Variants in TAF2 observed in about 807,000 individuals in gnomAD.
The protein encoded by TAF2 is TATA-box binding protein associated factor 2, also known as transcription initiation factor TFIID subunit 2.
TAF2 carries 61 observed loss-of-function variants against 138.5 expected under a neutral mutation model. The observed-to-expected ratio is 0.44, with a 90% CI of 0.36 to 0.54. The LOEUF is 0.54. TAF2 is among the 20% of genes least tolerant of loss of function. The probability of loss-of-function intolerance (pLI) is 0.00; values close to 1 mark genes in which losing one functional copy is unlikely to be tolerated. For missense variants in TAF2, 1,090 were observed against 1,427.9 expected (o/e 0.76, Z 3.81); for synonymous variants, 475 against 469.9 (o/e 1.01, Z -0.14).
intron 18 of TAF2, among the ~76,000 whole-genome samples, chr8:119,771,050 G>A (rs1002317819): frequency 1.3e-5 from 2 of 151,982 alleles, no homozygotes; most frequent in Non-Finnish European, 2.9e-5. Flanking sequence ...CAGCCTGGGC[G>A]ACAGAGCGAG....
intron 2 of TAF2, among the ~76,000 whole-genome samples, chr8:119,824,764 C>T (rs1254926395): frequency 6.6e-6 from 1 of 152,224 alleles, no homozygotes; most frequent in African/African-American, 2.4e-5. Context: ...AGCCTCAAGC[C>T]TTGGCAGCTC....
chr8:119,755,489 T>A (rs938612798), intron 22 of TAF2, among the ~76,000 whole-genome samples: 3 of 151,784 alleles, frequency 2.0e-5, no homozygotes, highest in Non-Finnish European at 4.4e-5. Context: ...AGAAACTCTA[T>A]CTCAAAAAAA....
chr8:119,801,194 T>C (rs779560984), intron 6 of TAF2, among the ~76,000 whole-genome samples: 2 of 152,212 alleles, frequency 1.3e-5, no homozygotes, highest in Non-Finnish European at 2.9e-5. Flanking sequence ...ATGTCATTAG[T>C]AATGAACAAA....
chr8:119,793,903 GA>G (rs142258214), intron 9 of TAF2, among the ~76,000 whole-genome samples: 122 of 93,734 alleles, frequency 1.3e-3, no homozygotes, highest in African/African-American at 4.2e-3. Flanking sequence ...TTTTTAAACA[GA>G]AAAAAAAAGG....
chr8:119,805,400 T>C (rs961412144), intron 4 of TAF2, among the ~76,000 whole-genome samples: 3 of 152,158 alleles, frequency 2.0e-5, no homozygotes, highest in Admixed American at 2.0e-4. Flanking sequence ...TCTACCTATA[T>C]GATTTTTTAA....
chr8:119,802,590 T>C (rs1227059032), intron 5 of TAF2, among the ~76,000 whole-genome samples: 1 of 152,188 alleles, frequency 6.6e-6, no homozygotes, highest in East Asian at 1.9e-4. Flanking sequence ...TGTAAGACAT[T>C]ATCCCTGGTT....
At chr8:119,779,073 C>G (rs2131125546) in intron 17 of TAF2, among the ~76,000 whole-genome samples, 1 of 152,210 alleles carries the variant, frequency 6.6e-6, no homozygotes, top group East Asian at 1.9e-4. Context: ...CGTAGAAATA[C>G]CTGTCTTATG....
At chr8:119,812,244 C>T (rs1448280192) in intron 3 of TAF2, among the ~76,000 whole-genome samples, 1 of 151,972 alleles carries the variant, frequency 6.6e-6, no homozygotes, top group Non-Finnish European at 1.5e-5. Context: ...GTTAGGTTAA[C>T]TAACTACCTG....
At position 119,796,990 on chromosome 8, in the gene TAF2, C is replaced by A; in HGVS notation, c.1091G>T (p.Trp364Leu). The change falls in exon 8 of 26, where the codon TGG becomes TTG. Residue 364 changes from tryptophan (W) to leucine (L), a missense_variant and splice_region_variant. Physicochemically the swap from Trp to Leu is moderately conservative, Grantham distance 61 (BLOSUM62 -2). Around this residue, in one of 3 missense-constraint regions of TAF2, gnomAD observed 504 missense variants for 680.9 expected, o/e 0.74. Transcript: ENST00000378164. ...TAGTATGAACTTTCAGGTCACTCAC[C>A]AAGACATTCTAGATATGAAACAACC... ...FFGCFISRMS[W>L]SDEWVLKGIS... 1 of 1,606,728 alleles carries A rather than the reference C, an allele frequency of 6.2e-7. No individual in the cohort carries two copies.
chr8:119,827,323 A>C (rs148353384), intron 2 of TAF2, among the ~76,000 whole-genome samples: 2 of 152,298 alleles, frequency 1.3e-5, no homozygotes, highest in East Asian at 3.9e-4. Flanking sequence ...ACCCTTAATG[A>C]ACAACTGTAT....
At chr8:119,775,836 A>G (rs943311874) in intron 18 of TAF2, among the ~76,000 whole-genome samples, 1 of 152,244 alleles carries the variant, frequency 6.6e-6, no homozygotes, top group African/African-American at 2.4e-5. Flanking sequence ...TCCATCAGAT[A>G]AAATTTCCCT....
At chr8:119,790,161 T>G (rs1319627934) in intron 11 of TAF2, among the ~76,000 whole-genome samples, 1 of 152,014 alleles carries the variant, frequency 6.6e-6, no homozygotes, top group Non-Finnish European at 1.5e-5. Context: ...AAAGGCCAGG[T>G]GTGGTGGCTC....
At chr8:119,739,167 T>G (rs571137998) in intron 25 of TAF2, among the ~76,000 whole-genome samples, 1 of 152,258 alleles carries the variant, frequency 6.6e-6, no homozygotes, top group East Asian at 1.9e-4. Context: ...CCCTTGCTCC[T>G]TGTTCCCCTT....
At chr8:119,772,141 T>C (rs1479002572) in intron 18 of TAF2, among the ~76,000 whole-genome samples, 1 of 152,086 alleles carries the variant, frequency 6.6e-6, no homozygotes, top group Non-Finnish European at 1.5e-5. Context: ...AAAATAGAGA[T>C]ACAACATACC....
At position 119,789,658 on chromosome 8, in the gene TAF2, G is replaced by T; in HGVS notation, c.1502C>A (p.Ser501Tyr). 6.2e-7 allele frequency: 1 copy of T among 1,613,816 alleles called. No homozygotes were observed. Among genetic ancestry groups the T allele is most frequent in the Non-Finnish European group, 8.5e-7 (1 of 1,179,926 alleles). ...HMWSQMLVST[S>Y]GFLKSISNVS... ...ATTTGAAATGGATTTCAAAAACCCA[G>T]ATGTGGAAACCAACATCTGACTCCA... The change falls in exon 12 of 26, where the codon TCT becomes TAT. Residue 501 changes from serine (S) to tyrosine (Y), a missense_variant. Around this residue, in one of 3 missense-constraint regions of TAF2, gnomAD observed 504 missense variants for 680.9 expected, o/e 0.74. Coordinates refer to ENST00000378164, the MANE Select transcript of TAF2 (RefSeq NM_003184.4).
chr8:119,760,432 C>G, intron 20 of TAF2, 167 bp downstream of exon 20: 1 of 773,434 alleles, frequency 1.3e-6, no homozygotes, highest in Non-Finnish European at 2.0e-6. Flanking sequence ...TTTATTAACT[C>G]TTATGTGAAT....
At position 119,793,276 on chromosome 8, in the gene TAF2, A is replaced by C. The variant is rs925376668; in HGVS notation, c.1277+90T>G. 6.4e-6 allele frequency: 7 copies of C among 1,087,876 alleles called. No individual in the cohort carries two copies. In the South Asian group the frequency reaches 9.6e-5, roughly 15 times the overall value. 67.4% of individuals were successfully genotyped at this position (1,087,876 alleles called of 1,614,324 possible). On this transcript the variant is annotated intron_variant, in intron 10 of 25. Transcript: ENST00000378164. The stretch of plus-strand genomic sequence containing the variant: ...TAAGAAAAAGGTTAAATAAATTCTG[A>C]GGTACAATGAAATACTATTTAGCTC...
intron 18 of TAF2, among the ~76,000 whole-genome samples, chr8:119,774,802 G>C (rs10110853): frequency 0.14 from 21,091 of 151,934 alleles, 2,479 homozygotes; most frequent in African/African-American, 0.32. Context: ...TGTTCCATGA[G>C]ATTTGAACCT....
rs1818903071 is a variant in TAF2 at position 119,731,964 on chromosome 8, G to A, written c.3560C>T (p.Ala1187Val). The stretch of plus-strand genomic sequence containing the variant: ...AGGAGAACGAATAGACCTGCCACTG[G>A]CAGGGCTGGAGAAAGTGAAAGGCTC... ...DKEPFTFSSP[A>V]SGRSIRSPSL... Residue 1187 changes from alanine to valine, a missense_variant, in exon 26 of 26, where the codon GCC (alanine) becomes GTC (valine). Physicochemically the swap from Ala to Val is moderately conservative, Grantham distance 64. This residue lies in a region of TAF2 where 580 missense variants were observed against 719.6 expected (regional missense o/e 0.81). Coordinates refer to ENST00000378164, the MANE Select transcript of TAF2 (RefSeq NM_003184.4). 7 of 1,614,194 alleles carry A rather than the reference G, an allele frequency of 4.3e-6. No homozygotes were observed. Among genetic ancestry groups the A allele is most frequent in the Non-Finnish European group, 5.9e-6 (7 of 1,180,034 alleles).
Sources: gnomAD v4.1 joint callset for allele counts (sites outside exome capture counted in the v4.1 genomes callset) on GRCh38, gnomAD v4.1.1 for gene constraint, gnomAD v4.1.1 regional missense constraint, MANE v1.5 for transcripts, NCBI Gene and HGNC (gene_info 2026-07-23, HGNC 2026-07-21) for gene names.